The following PLXNA4 variants were observed in gnomAD, a reference collection of about 807,000 sequenced individuals.
PLXNA4 encodes plexin A4, also known as plexin-A4.
PLXNA4 carries 44 observed loss-of-function variants against 191.8 expected under a neutral mutation model. That is an observed-to-expected ratio of 0.23 (90% CI 0.18 to 0.29). The LOEUF (loss-of-function observed/expected upper bound fraction) is 0.29, where lower values mean the gene tolerates loss of function less well. Ranked by LOEUF, PLXNA4 falls within the 10% of genes least tolerant of loss-of-function variation. The pLI is 1.00. For missense variants in PLXNA4, 1,800 were observed against 2,488.8 expected (o/e 0.72, Z 5.89); for synonymous variants, 1,082 against 1,009.5 (o/e 1.07, Z -1.36).
chr7:132,504,211 G>A (rs762159393), intron 2 of PLXNA4, among the ~76,000 whole-genome samples: 1 of 152,224 alleles, frequency 6.6e-6, no homozygotes, highest in East Asian at 1.9e-4. Flanking sequence ...CTACCCCAAC[G>A]GCCCAAGACT....
intron 4 of PLXNA4, among the ~76,000 whole-genome samples, chr7:132,293,549 C>A (rs1314162366): frequency 6.6e-6 from 1 of 152,186 alleles, no homozygotes; most frequent in Non-Finnish European, 1.5e-5. Context: ...GGGACACAGC[C>A]AAACCATATC....
chr7:132,472,081 C>A (rs552728834), intron 3 of PLXNA4, among the ~76,000 whole-genome samples: 2 of 152,178 alleles, frequency 1.3e-5, no homozygotes, highest in African/African-American at 4.8e-5. Flanking sequence ...CTTGTAACCA[C>A]GCTCCATTAT....
intron 2 of PLXNA4, among the ~76,000 whole-genome samples, chr7:132,610,757 T>C (rs2116853355): frequency 6.6e-6 from 1 of 152,272 alleles, no homozygotes; most frequent in African/African-American, 2.4e-5. Context: ...TGCCTAAGGC[T>C]CCTCTTCTCC....
chr7:132,624,908 AC>A (rs112037181), intron 2 of PLXNA4, among the ~76,000 whole-genome samples: 2 of 152,074 alleles, frequency 1.3e-5, no homozygotes, highest in African/African-American at 4.8e-5. Context: ...AGAACAAACC[AC>A]CCAAGTCCTC....
At chr7:132,580,662 G>T (rs1316585245), upstream of PLXNA4, among the ~76,000 whole-genome samples, 1 of 152,174 alleles carries the variant, frequency 6.6e-6, no homozygotes, top group Non-Finnish European at 1.5e-5. Flanking sequence ...AAGAGGAGAA[G>T]AAACTCTTAA....
intron 3 of PLXNA4, among the ~76,000 whole-genome samples, chr7:132,402,882 G>T (rs1004012667): frequency 6.6e-6 from 1 of 152,218 alleles, no homozygotes; most frequent in East Asian, 1.9e-4. Context: ...TGCTGAGCAC[G>T]CCCACCCATT....
Position 132,179,741 on chromosome 7 carries a change from G to A in PLXNA4, c.3820C>T (p.Leu1274=). ...SRESDLTLKR[L]QMQMDNLESR... ...TCCAGGTTGTCCATCTGCATCTGCA[G>A]CCGCTTCAGCGTGAGGTCACTTTCG... The change falls in exon 20 of 32, where the codon CTG becomes TTG. Residue 1274 remains leucine, a synonymous_variant. Coordinates refer to ENST00000321063, the MANE Select transcript of PLXNA4 (RefSeq NM_020911.2). 1 of 1,614,166 alleles carries A rather than the reference G, an allele frequency of 6.2e-7. No homozygotes were observed. Among genetic ancestry groups the A allele is most frequent in the Non-Finnish European group, 8.5e-7 (1 of 1,180,018 alleles).
At chr7:132,592,600 C>G (rs1302376765) in intron 2 of PLXNA4, among the ~76,000 whole-genome samples, 1 of 151,468 alleles carries the variant, frequency 6.6e-6, no homozygotes, top group Admixed American at 6.6e-5. Flanking sequence ...TGACGGGGTC[C>G]CCTTTAGCTC....
At chr7:132,633,777 G>A (rs985004887) in intron 2 of PLXNA4, among the ~76,000 whole-genome samples, 14 of 152,020 alleles carry the variant, frequency 9.2e-5, no homozygotes, top group African/African-American at 3.1e-4. Context: ...AAGTAGCTTT[G>A]CTCCATGTCC....
chr7:132,185,060 G>A (rs556804838), intron 16 of PLXNA4, among the ~76,000 whole-genome samples: 16 of 152,282 alleles, frequency 1.1e-4, no homozygotes, highest in African/African-American at 3.9e-4. Context: ...CCTTGAACTG[G>A]GAAAGGTGGG....
intron 25 of PLXNA4, among the ~76,000 whole-genome samples, chr7:132,157,980 A>G (rs1253485809): frequency 2.0e-5 from 3 of 152,210 alleles, no homozygotes; most frequent in African/African-American, 7.2e-5. Flanking sequence ...CTAAGGGCAC[A>G]CATGTGAGCA....
chr7:132,385,165 C>G (rs748871320), intron 3 of PLXNA4: 7 of 1,613,390 alleles, frequency 4.3e-6, no homozygotes, highest in Non-Finnish European at 2.5e-6. Flanking sequence ...ACTAAATAAG[C>G]CTACACAGCT....
intron 14 of PLXNA4, among the ~76,000 whole-genome samples, chr7:132,192,965 T>G (rs2116817090): frequency 6.6e-6 from 1 of 151,586 alleles, no homozygotes; most frequent in South Asian, 2.1e-4. Context: ...GTGGGGGCAA[T>G]TGTGTGGGTA....
At chr7:132,339,070 G>C (rs1169361440) in intron 3 of PLXNA4, among the ~76,000 whole-genome samples, 1 of 152,200 alleles carries the variant, frequency 6.6e-6, no homozygotes, top group African/African-American at 2.4e-5. Context: ...ATGGCAAGGA[G>C]TCTGAGAAAG....
chr7:132,371,461 G>A (rs1419697726), intron 3 of PLXNA4, among the ~76,000 whole-genome samples: 1 of 152,154 alleles, frequency 6.6e-6, no homozygotes, highest in Admixed American at 6.5e-5. Flanking sequence ...TCCTGCCAAT[G>A]ATGTCAGTAC....
chr7:132,601,584 T>C (rs1802821135), intron 2 of PLXNA4, among the ~76,000 whole-genome samples: 1 of 152,198 alleles, frequency 6.6e-6, no homozygotes, highest in Non-Finnish European at 1.5e-5. Context: ...GGAGGTGACC[T>C]TGGGAATGGA....
chr7:132,583,719 C>A (rs954517491), intron 2 of PLXNA4, among the ~76,000 whole-genome samples: 2 of 152,250 alleles, frequency 1.3e-5, no homozygotes, highest in African/African-American at 4.8e-5. Context: ...CATTCTCCTT[C>A]TGGCCCTATT....
intron 3 of PLXNA4, among the ~76,000 whole-genome samples, chr7:132,410,281 G>A (rs912465640): frequency 6.6e-6 from 1 of 151,448 alleles, no homozygotes; most frequent in African/African-American, 2.4e-5. Flanking sequence ...CAGCACTGTA[G>A]AATCCCAGAA....
intron 3 of PLXNA4, among the ~76,000 whole-genome samples, chr7:132,460,149 T>C (rs1796453664): frequency 1.3e-5 from 2 of 150,912 alleles, no homozygotes; most frequent in Admixed American, 1.3e-4. Flanking sequence ...AGCCCAGGAG[T>C]TTGAGACCAG....
Sources: allele counts gnomAD v4.1 joint callset (sites outside exome capture counted in the v4.1 genomes callset), GRCh38; gene constraint gnomAD v4.1.1; transcripts MANE v1.5; gene names NCBI Gene and HGNC (gene_info 2026-07-23, HGNC 2026-07-21).